ADGB: variants seen among roughly 807,000 people sequenced by gnomAD.
ADGB encodes the protein calpain-7-like protein.
Under a neutral mutation model 210.5 loss-of-function variants are expected in ADGB, and 172 were observed. The ratio of observed to expected loss-of-function variants is 0.82; its 90% CI spans 0.72 to 0.93. The LOEUF (loss-of-function observed/expected upper bound fraction) is 0.93. ADGB is among the 40% of genes least tolerant of loss of function. The pLI, the probability that ADGB is intolerant of heterozygous loss-of-function variation, is 0.00. For missense variants in ADGB, 2,025 were observed against 1,964.8 expected (o/e 1.03, Z -0.58); for synonymous variants, 658 against 662.7 (o/e 0.99, Z 0.11).
In ADGB at chr6:146,673,965, T is replaced by A. The variant is rs569428280; in HGVS notation, c.1087+1498T>A. On this transcript the variant is annotated intron_variant, in intron 8 of 35. Transcript: ENST00000397944. The stretch of plus-strand genomic sequence containing the variant: ...CTGAAGAAGTGGAACATCTAAGAGG[T>A]TGGTACAAAATGACGAGCTGCTGAA... Among the ~76,000 whole-genome samples the A allele has an allele frequency of 1.5e-4, 23 of 151,966 alleles. 1 individual carries two copies. The South Asian group carries it at 4.6e-3, about 30-fold the overall frequency.
intron 13 of ADGB, among the ~76,000 whole-genome samples, chr6:146,712,400 C>T (rs1488494814): frequency 6.6e-5 from 10 of 151,900 alleles, no homozygotes; most frequent in Admixed American, 4.6e-4. Flanking sequence ...TTGGCCAGGC[C>T]GGTCTTAAAC....
chr6:146,815,017 T>C lies in ADGB; in HGVS notation c.4819-15T>C. On this transcript the variant is annotated splice_polypyrimidine_tract_variant and intron_variant, in intron 35 of 35. Coordinates refer to ENST00000397944, the MANE Select transcript of ADGB (RefSeq NM_024694.4). The stretch of plus-strand genomic sequence containing the variant: ...CCAGTGGAACTTATTTGTTTGGGGT[T>C]TTGCTTTGGAACAGGACTCCTTAGA... 1 of 1,524,156 alleles carries C rather than the reference T, an allele frequency of 6.6e-7. No individual in the cohort carries two copies. The highest frequency in any genetic ancestry group is 1.3e-5 in the South Asian group (1 of 78,382). The allele number at this position is 1,524,156 out of a possible 1,614,324, so 94.4% of individuals were successfully genotyped here.
rs763365672 is a variant in ADGB at position 146,764,019 on chromosome 6, A to G, written c.3669A>G (p.Ile1223Met). 11 of 1,551,404 alleles carry G rather than the reference A, an allele frequency of 7.1e-6. No individual in the cohort carries two copies. The change falls in exon 28 of 36, where the codon ATA becomes ATG. Residue 1223 changes from isoleucine (I) to methionine (M), a missense_variant. Transcript: ENST00000397944. ...CCAAGGGTAGAGCTGTAAGTGCAAT[A>G]CAAGACATTGGTCTACCCCTTGTGG... The part of the protein sequence containing the change: ...KSPKGRAVSA[I>M]QDIGLPLVEE...
intron 3 of ADGB, among the ~76,000 whole-genome samples, chr6:146,649,007 C>CA (rs1164015742): frequency 6.6e-6 from 1 of 151,724 alleles, no homozygotes; most frequent in African/African-American, 2.4e-5. Context: ...AACAAGCATC[C>CA]AAAATCATTT....
intron 5 of ADGB, among the ~76,000 whole-genome samples, chr6:146,663,066 TAAG>T (rs1775885627): frequency 7.0e-6 from 1 of 143,852 alleles, no homozygotes. Context: ...ATCTTATTAT[TAAG>T]GTCATATATT....
At chr6:146,700,303 G>A (rs539162249) in intron 12 of ADGB, among the ~76,000 whole-genome samples, 2 of 152,296 alleles carry the variant, frequency 1.3e-5, no homozygotes, top group South Asian at 2.1e-4. Flanking sequence ...GCAGTTTTGT[G>A]TAAATCAGAG....
intron 27 of ADGB, among the ~76,000 whole-genome samples, chr6:146,759,654 A>G (rs1777458991): frequency 6.6e-6 from 1 of 151,786 alleles, no homozygotes; most frequent in African/African-American, 2.4e-5. Flanking sequence ...ATGCATATAT[A>G]TGAAATAAAT....
intron 29 of ADGB, among the ~76,000 whole-genome samples, chr6:146,777,618 T>C (rs1777738993): frequency 6.6e-6 from 1 of 152,156 alleles, no homozygotes; most frequent in African/African-American, 2.4e-5. Flanking sequence ...CAGAAATCTG[T>C]TCTATGGTAA....
At chr6:146,779,030 T>C (rs1457805065) in intron 29 of ADGB, among the ~76,000 whole-genome samples, 1 of 151,658 alleles carries the variant, frequency 6.6e-6, no homozygotes. Context: ...GCATTTTAAC[T>C]TGTCCCATTC....
At chr6:146,658,361 G>T (rs1219193839) in intron 5 of ADGB, among the ~76,000 whole-genome samples, 1 of 152,038 alleles carries the variant, frequency 6.6e-6, no homozygotes, top group Non-Finnish European at 1.5e-5. Flanking sequence ...GTGCAGAGGA[G>T]CAAGCAGAAG....
intron 12 of ADGB, among the ~76,000 whole-genome samples, chr6:146,695,866 C>A (rs1489339928): frequency 2.0e-5 from 3 of 151,924 alleles, no homozygotes; most frequent in African/African-American, 7.3e-5. Context: ...TATAATGCAA[C>A]ATAACTAAGT....
At chr6:146,725,877 C>T (rs778824464) in intron 18 of ADGB, 3 of 425,996 alleles carry the variant, frequency 7.0e-6, no homozygotes, top group Non-Finnish European at 8.5e-6. Context: ...TTTTGTCCTA[C>T]ATAATAAGTA....
chr6:146,793,358 T>C (rs1003171909), intron 33 of ADGB, among the ~76,000 whole-genome samples: 1 of 152,158 alleles, frequency 6.6e-6, no homozygotes, highest in Non-Finnish European at 1.5e-5. Context: ...GCTTCACCTT[T>C]CAATCCCCCC....
chr6:146,761,437 G>A (rs1777490390), intron 27 of ADGB, among the ~76,000 whole-genome samples: 1 of 151,952 alleles, frequency 6.6e-6, no homozygotes, highest in South Asian at 2.1e-4. Flanking sequence ...TGGATCAGTT[G>A]ATCTAAATAA....
At chr6:146,703,304 A>G (rs556989524) in intron 13 of ADGB, among the ~76,000 whole-genome samples, 2 of 152,072 alleles carry the variant, frequency 1.3e-5, no homozygotes, top group South Asian at 4.1e-4. Flanking sequence ...TGATGTTTTG[A>G]AATATATATA....
intron 33 of ADGB, among the ~76,000 whole-genome samples, chr6:146,800,352 G>A (rs865900790): frequency 3.3e-5 from 5 of 152,270 alleles, no homozygotes; most frequent in Middle Eastern, 3.4e-3. Context: ...ATTGCCCGGA[G>A]TTTGTGGTGA....
At position 146,745,919 on chromosome 6, in the gene ADGB, T is replaced by C. The variant is rs1177794669; in HGVS notation, c.3178-3T>C. 2.3e-5 allele frequency: 36 copies of C among 1,538,192 alleles called. No homozygotes were observed. Among genetic ancestry groups the C allele is most frequent in the Non-Finnish European group, 2.9e-5 (33 of 1,139,712 alleles). ...ATTTCTGTGTAATTTGTCTTTCTTA[T>C]AGAAGGGATACACTTTTGTGGCGGA... On this transcript the variant is annotated splice_region_variant and splice_polypyrimidine_tract_variant and intron_variant, in intron 25 of 35. Coordinates refer to ENST00000397944, the MANE Select transcript of ADGB (RefSeq NM_024694.4).
chr6:146,695,169 G>T (rs1007543311), intron 12 of ADGB, among the ~76,000 whole-genome samples: 1 of 151,968 alleles, frequency 6.6e-6, no homozygotes, highest in African/African-American at 2.4e-5. Flanking sequence ...TGGCTTTTCC[G>T]GGGCTTTGTT....
chr6:146,636,596 AAG>A (rs144597568), intron 2 of ADGB, among the ~76,000 whole-genome samples: 2,857 of 151,900 alleles, frequency 0.019, 94 homozygotes, highest in African/African-American at 0.066. Flanking sequence ...GAGAGAGAGA[AAG>A]AGAGAGAGTG....
Sources: gnomAD v4.1 joint callset for allele counts (sites outside exome capture counted in the v4.1 genomes callset) on GRCh38, gnomAD v4.1.1 for gene constraint, MANE v1.5 for transcripts, NCBI Gene and HGNC (gene_info 2026-07-23, HGNC 2026-07-21) for gene names.